The following LIN7A variants were observed in gnomAD, a reference collection of about 807,000 sequenced individuals.
LIN7A encodes lin-7 cell polarity scaffold A, also known as protein lin-7 homolog A.
In LIN7A, 25 loss-of-function variants were observed where a neutral mutation model predicts 29.8. That is an observed-to-expected ratio of 0.84 (90% CI 0.61 to 1.17). The LOEUF (loss-of-function observed/expected upper bound fraction) is 1.17, where lower values mean the gene tolerates loss of function less well. Ranked by LOEUF, LIN7A falls within the 50% of genes most tolerant of loss-of-function variation. The pLI is 0.00. For missense variants in LIN7A, 239 were observed against 287.0 expected (o/e 0.83, Z 1.21); for synonymous variants, 118 against 107.5 (o/e 1.10, Z -0.60).
At chr12:80,935,407 G>A (rs925019730) in intron 1 of LIN7A, among the ~76,000 whole-genome samples, 1 of 152,178 alleles carries the variant, frequency 6.6e-6, no homozygotes, top group Admixed American at 6.5e-5. Flanking sequence ...TGCTAAAGCT[G>A]CACAGTGTTA....
chr12:80,865,608 C>T (rs972937200), intron 2 of LIN7A, among the ~76,000 whole-genome samples: 7 of 152,132 alleles, frequency 4.6e-5, no homozygotes, highest in African/African-American at 1.7e-4. Flanking sequence ...CTGAAATGTC[C>T]ACTTTGGGGC....
chr12:80,826,963 C>T (rs1363417737), intron 4 of LIN7A, among the ~76,000 whole-genome samples: 1 of 152,188 alleles, frequency 6.6e-6, no homozygotes, highest in Non-Finnish European at 1.5e-5. Flanking sequence ...GTGCACAGTA[C>T]TCATCCAGTG....
At chr12:80,829,734 T>C (rs1426930380) in intron 4 of LIN7A, among the ~76,000 whole-genome samples, 1 of 152,210 alleles carries the variant, frequency 6.6e-6, no homozygotes, top group Non-Finnish European at 1.5e-5. Flanking sequence ...GTACAATTAC[T>C]GTTGATCTTA....
At chr12:80,885,427 T>C (rs890478189) in intron 2 of LIN7A, among the ~76,000 whole-genome samples, 1 of 152,180 alleles carries the variant, frequency 6.6e-6, no homozygotes, top group Non-Finnish European at 1.5e-5. Context: ...CATCTCATTA[T>C]AGAAAAGTAG....
At chr12:80,922,690 G>A (rs1877376911) in intron 1 of LIN7A, among the ~76,000 whole-genome samples, 2 of 152,100 alleles carry the variant, frequency 1.3e-5, no homozygotes, top group Admixed American at 6.5e-5. Context: ...CCTCAGTTTC[G>A]ATTTCTGTGG....
chr12:80,823,780 G>C (rs942712141), intron 4 of LIN7A, among the ~76,000 whole-genome samples: 1 of 152,194 alleles, frequency 6.6e-6, no homozygotes, highest in Non-Finnish European at 1.5e-5. Flanking sequence ...ACGATTGTTG[G>C]GTCAACAATG....
intron 2 of LIN7A, among the ~76,000 whole-genome samples, chr12:80,865,657 A>G (rs947702945): frequency 6.6e-6 from 1 of 152,240 alleles, no homozygotes; most frequent in Admixed American, 6.5e-5. Context: ...TGATGGATCC[A>G]GTGCATAGTG....
chr12:80,798,049 C>G (rs1313576714), intron 5 of LIN7A, among the ~76,000 whole-genome samples: 1 of 152,076 alleles, frequency 6.6e-6, no homozygotes, highest in Admixed American at 6.6e-5. Flanking sequence ...AAAGAATAAC[C>G]AACATTTATG....
At chr12:80,830,595 A>G (rs1431458028) in intron 4 of LIN7A, among the ~76,000 whole-genome samples, 1 of 152,246 alleles carries the variant, frequency 6.6e-6, no homozygotes, top group African/African-American at 2.4e-5. Flanking sequence ...ACACAATGGC[A>G]CATATAATTG....
intron 1 of LIN7A, among the ~76,000 whole-genome samples, chr12:80,934,906 A>T (rs1878124692): frequency 6.6e-6 from 1 of 152,144 alleles, no homozygotes; most frequent in South Asian, 2.1e-4. Context: ...TCTTGGTTAA[A>T]CATCACAGTT....
At chr12:80,822,168 C>T (rs540132669) in intron 4 of LIN7A, among the ~76,000 whole-genome samples, 1 of 152,304 alleles carries the variant, frequency 6.6e-6, no homozygotes, top group Non-Finnish European at 1.5e-5. Context: ...AGGCGCAAAG[C>T]TACATGGCAG....
chr12:80,925,033 C>T (rs980377266), intron 1 of LIN7A, among the ~76,000 whole-genome samples: 2 of 152,166 alleles, frequency 1.3e-5, no homozygotes, highest in East Asian at 1.9e-4. Flanking sequence ...TTATATCCTT[C>T]GCTCATTTAC....
chr12:80,926,835 A>C (rs1051373294), intron 1 of LIN7A, among the ~76,000 whole-genome samples: 1 of 149,042 alleles, frequency 6.7e-6, no homozygotes. Flanking sequence ...AGGCTGAGGC[A>C]GGAGAATGGG....
chr12:80,858,281 G>C (rs551360821), intron 2 of LIN7A, among the ~76,000 whole-genome samples: 1 of 152,094 alleles, frequency 6.6e-6, no homozygotes, highest in Non-Finnish European at 1.5e-5. Flanking sequence ...TAAAACTGAA[G>C]AATGACTATA....
At chr12:80,871,657 A>ACC (rs1193806777) in intron 2 of LIN7A, among the ~76,000 whole-genome samples, 3 of 152,022 alleles carry the variant, frequency 2.0e-5, no homozygotes, top group Admixed American at 2.0e-4. Flanking sequence ...TTGGCATTGA[A>ACC]TAAACAAAAC....
At chr12:80,927,848 T>C (rs957371008) in intron 1 of LIN7A, among the ~76,000 whole-genome samples, 1 of 152,136 alleles carries the variant, frequency 6.6e-6, no homozygotes, top group African/African-American at 2.4e-5. Flanking sequence ...CCTCAAGCTA[T>C]CCCTCCCCAT....
At position 80,797,097 on chromosome 12, in the gene LIN7A, G is replaced by T. The variant is rs1870483975; in HGVS notation, c.*630C>A. 1 of 152,068 alleles carries T rather than the reference G, an allele frequency of 6.6e-6. No individual in the cohort carries two copies. The highest frequency in any genetic ancestry group is 2.4e-5 in the African/African-American group (1 of 41,416). 9.4% of individuals were successfully genotyped at this position (152,068 alleles called of 1,614,324 possible). Reference sequence around the variant, plus strand: ...CAAACTAAAAGTTGAGCTAAAATTGGTCCATTCTATTAATGCATAATAAAA... The same window carrying T: ...CAAACTAAAAGTTGAGCTAAAATTGTTCCATTCTATTAATGCATAATAAAA... On this transcript the variant is annotated 3_prime_UTR_variant, in exon 6 of 6. Transcript: ENST00000552864.
At chr12:80,859,430 AAAG>A (rs1339982674) in intron 2 of LIN7A, among the ~76,000 whole-genome samples, 1 of 152,342 alleles carries the variant, frequency 6.6e-6, no homozygotes, top group African/African-American at 2.4e-5. Context: ...ATGCAGGTCT[AAAG>A]CTCAGAGGGA....
intron 2 of LIN7A, among the ~76,000 whole-genome samples, chr12:80,879,998 T>C (rs147976115): frequency 1.3e-5 from 2 of 152,334 alleles, no homozygotes; most frequent in African/African-American, 4.8e-5. Context: ...TTTGAATGCT[T>C]TCAATTTTAT....
Sources: allele counts gnomAD v4.1 joint callset (sites outside exome capture counted in the v4.1 genomes callset), GRCh38; gene constraint gnomAD v4.1.1; transcripts MANE v1.5; gene names NCBI Gene and HGNC (gene_info 2026-07-23, HGNC 2026-07-21).